The following JAM3 variants were observed in gnomAD, a reference collection of about 807,000 sequenced individuals.
JAM3 encodes junctional adhesion molecule C.
Under a neutral mutation model 39.4 loss-of-function variants are expected in JAM3, and 31 were observed. That is an observed-to-expected ratio of 0.79 (90% CI 0.59 to 1.06). The LOEUF is 1.06. Among genes scored for constraint, JAM3 ranks in the 50% least tolerant of loss-of-function variants. The probability of loss-of-function intolerance (pLI) is 0.00; values close to 1 mark genes in which losing one functional copy is unlikely to be tolerated. For missense variants in JAM3, 455 were observed against 391.4 expected (o/e 1.16, Z -1.37); for synonymous variants, 182 against 148.7 (o/e 1.22, Z -1.63).
At chr11:134,083,387 T>C (rs868636601) in intron 1 of JAM3, among the ~76,000 whole-genome samples, 13 of 152,314 alleles carry the variant, frequency 8.5e-5, no homozygotes, top group African/African-American at 3.1e-4. Flanking sequence ...ATTTGGACTT[T>C]ATGGAAGCCA....
intron 1 of JAM3, among the ~76,000 whole-genome samples, chr11:134,072,360 C>T (rs1941496486): frequency 6.8e-6 from 1 of 147,820 alleles, no homozygotes; most frequent in Non-Finnish European, 1.5e-5. Flanking sequence ...GTGGCATGAG[C>T]TCAGCTCACT....
intron 1 of JAM3, among the ~76,000 whole-genome samples, chr11:134,126,686 G>A (rs1028836358): frequency 6.6e-6 from 1 of 152,230 alleles, no homozygotes; most frequent in Admixed American, 6.5e-5. Flanking sequence ...ACAGAGCTAG[G>A]ATAGCAAAGT....
At chr11:134,102,153 C>A (rs1591782797) in intron 1 of JAM3, among the ~76,000 whole-genome samples, 1 of 152,142 alleles carries the variant, frequency 6.6e-6, no homozygotes, top group Non-Finnish European at 1.5e-5. Flanking sequence ...CAGTAACATA[C>A]CCAACGTAGC....
intron 2 of JAM3, among the ~76,000 whole-genome samples, chr11:134,140,225 C>T (rs1172280339): frequency 6.6e-6 from 1 of 152,180 alleles, no homozygotes; most frequent in Non-Finnish European, 1.5e-5. Flanking sequence ...GCAATCTTGG[C>T]TCACTGCAGC....
Position 134,138,240 on chromosome 11 carries a change from G to C in JAM3, c.77-1611G>C, listed in dbSNP as rs546946486. Among the ~76,000 whole-genome samples, 160 of 125,718 alleles carry C rather than the reference G, an allele frequency of 1.3e-3. 3 individuals are homozygous for C. Among genetic ancestry groups the C allele is most frequent in the Middle Eastern group, 3.9e-3 (1 of 258 alleles). 82.5% of individuals were successfully genotyped at this position (125,718 alleles called of 152,430 possible). A position where few individuals can be genotyped will look rare whatever the true frequency, so the allele number is the denominator to read the frequency against. The stretch of plus-strand genomic sequence containing the variant: ...TGGCCAATAGTCCCTTAGAGCCAGT[G>C]GTGGCGTCTCGTCGAAGTCGTGGTG... On this transcript the variant is annotated intron_variant, in intron 1 of 8. Coordinates refer to ENST00000299106, the MANE Select transcript of JAM3 (RefSeq NM_032801.5).
chr11:134,149,159 A>C lies in JAM3; in HGVS notation c.911A>C (p.His304Pro). The change falls in exon 9 of 9, where the codon CAC becomes CCC. Residue 304 changes from histidine (H) to proline (P), a missense_variant. His to Pro is a moderately conservative substitution (Grantham distance 77). Coordinates refer to ENST00000299106, the MANE Select transcript of JAM3 (RefSeq NM_032801.5). ...TTGGCTTTGCAGGGCGACTTCAGAC[A>C]CAAGTCATCGTTTGTGATCTGAGAC... is the stretch of plus-strand genomic sequence containing the variant. ...IRTDEEGDFR[H>P]KSSFVI 2.5e-6 allele frequency: 4 copies of C among 1,614,026 alleles called. No homozygotes were observed. The highest frequency in any genetic ancestry group is 3.4e-6 in the Non-Finnish European group (4 of 1,179,882).
intron 1 of JAM3, among the ~76,000 whole-genome samples, chr11:134,102,218 C>T (rs1488382545): frequency 6.6e-6 from 1 of 152,140 alleles, no homozygotes; most frequent in African/African-American, 2.4e-5. Context: ...TATTCGCTGT[C>T]CTGCAGCCTC....
intron 1 of JAM3, among the ~76,000 whole-genome samples, chr11:134,079,016 G>A (rs899163321): frequency 1.4e-5 from 2 of 143,362 alleles, no homozygotes; most frequent in Admixed American, 6.8e-5. Context: ...TCCAGCCTGG[G>A]CAGTAAGAGC....
intron 1 of JAM3, among the ~76,000 whole-genome samples, chr11:134,122,485 C>T (rs1184612958): frequency 1.3e-5 from 2 of 152,194 alleles, no homozygotes; most frequent in Non-Finnish European, 2.9e-5. Flanking sequence ...TAAACCCAGC[C>T]AAGAATCTGC....
chr11:134,144,190 G>A (rs1483531742), intron 3 of JAM3, 51 bp from the exon 4 acceptor site: 2 of 1,608,162 alleles, frequency 1.2e-6, no homozygotes, highest in Non-Finnish European at 1.7e-6. Flanking sequence ...CTCTTCAAGT[G>A]GCAAAGATTT....
intron 1 of JAM3, among the ~76,000 whole-genome samples, chr11:134,128,449 G>T (rs1275413159): frequency 6.6e-6 from 1 of 152,190 alleles, no homozygotes; most frequent in African/African-American, 2.4e-5. Context: ...ATATGGTTTG[G>T]CGGTGTGTTC....
At chr11:134,129,290 G>A (rs1036397138) in intron 1 of JAM3, among the ~76,000 whole-genome samples, 1 of 151,978 alleles carries the variant, frequency 6.6e-6, no homozygotes, top group Non-Finnish European at 1.5e-5. Flanking sequence ...CTAATTTTTT[G>A]TATTTTTAGT....
Position 134,108,913 on chromosome 11 carries a change from A to T in JAM3, c.77-30938A>T, listed in dbSNP as rs368744731. ...CAATATCCATGAAAAAGTTATAGGT[A>T]ATATTATATTATTGGTAGAAACCAG... On this transcript the variant is annotated intron_variant, in intron 1 of 8. Coordinates refer to ENST00000299106, the MANE Select transcript of JAM3 (RefSeq NM_032801.5). Among the ~76,000 whole-genome samples the T allele has an allele frequency of 1.5e-4, 23 of 152,306 alleles. No individual in the cohort carries two copies. The South Asian group carries it at 4.6e-3, about 30-fold the overall frequency.
At chr11:134,123,853 C>T (rs1244149432) in intron 1 of JAM3, 1 of 813,342 alleles carries the variant, frequency 1.2e-6, no homozygotes, top group Non-Finnish European at 2.2e-6. Context: ...CCGTTGGTAT[C>T]TCTGAAGCGT....
In JAM3 at chr11:134,146,024, G is replaced by A. The variant is rs200823092; in HGVS notation, c.691G>A (p.Glu231Lys). ...CAATGACGCAGGCTCAGCCAGGTGT[G>A]AGGAGCAGGAGATGGAAGTCTGTGA... The part of the protein sequence containing the change: ...ASNDAGSARC[E>K]EQEMEVYDLN... Residue 231 changes from glutamate (E) to lysine (K), a missense_variant, in exon 6 of 9, where the codon GAG becomes AAG. By Grantham distance (56) the Glu-to-Lys change is moderately conservative. Transcript: ENST00000299106. 17 of 1,613,624 alleles carry A rather than the reference G, an allele frequency of 1.1e-5. No homozygotes were observed. In the African/African-American group the frequency reaches 1.3e-4, roughly 13 times the overall value.
At chr11:134,096,097 C>T (rs1941977227) in intron 1 of JAM3, among the ~76,000 whole-genome samples, 1 of 152,146 alleles carries the variant, frequency 6.6e-6, no homozygotes, top group African/African-American at 2.4e-5. Context: ...ATGCCTCATC[C>T]TCCCAAGTAG....
intron 1 of JAM3, among the ~76,000 whole-genome samples, chr11:134,093,592 C>T (rs1941917236): frequency 8.0e-6 from 1 of 124,380 alleles, no homozygotes; most frequent in Admixed American, 7.7e-5. Context: ...CTGAACCCTC[C>T]TTATTCATCA....
intron 1 of JAM3, among the ~76,000 whole-genome samples, chr11:134,103,281 G>T (rs1398122891): frequency 1.3e-5 from 2 of 152,102 alleles, no homozygotes; most frequent in Non-Finnish European, 2.9e-5. Flanking sequence ...AAGTGAAGGA[G>T]AAATAAAATC....
chr11:134,071,367 A>G (rs1156997610), intron 1 of JAM3, among the ~76,000 whole-genome samples: 3 of 152,176 alleles, frequency 2.0e-5, no homozygotes, highest in Non-Finnish European at 4.4e-5. Context: ...GTGTTAATCC[A>G]ATTTTTAGTT....
Sources: allele counts gnomAD v4.1 joint callset (sites outside exome capture counted in the v4.1 genomes callset), GRCh38; gene constraint gnomAD v4.1.1; transcripts MANE v1.5; gene names NCBI Gene and HGNC (gene_info 2026-07-23, HGNC 2026-07-21).